Variants in ATP2B3 observed in about 807,000 individuals in gnomAD.
The protein encoded by ATP2B3 is ATPase plasma membrane Ca2+ transporting 3, also known as plasma membrane calcium-transporting ATPase 3.
A neutral mutation model predicts 70.8 loss-of-function variants in ATP2B3; 12 were observed. The observed-to-expected ratio is 0.17, with a 90% confidence interval of 0.11 to 0.27. The LOEUF (loss-of-function observed/expected upper bound fraction) is 0.27, where lower values mean the gene tolerates loss of function less well. ATP2B3 is among the 10% of genes least tolerant of loss of function. The pLI is 1.00. For synonymous variants in ATP2B3, 460 were observed against 497.8 expected (o/e 0.92, Z 1.01); for missense variants, 858 against 1,118.5 (o/e 0.77, Z 3.32).
intron 12 of ATP2B3, among the ~76,000 whole-genome samples, chrX:153,550,595 G>T (rs913218460): frequency 8.9e-6 from 1 of 111,817 alleles, no homozygotes; most frequent in Non-Finnish European, 1.9e-5. Flanking sequence ...TACACTGTGT[G>T]GCCTTTTGTG....
At chrX:153,524,443 G>T (rs940363633) in intron 2 of ATP2B3, among the ~76,000 whole-genome samples, 10 of 111,893 alleles carry the variant, frequency 8.9e-5, no homozygotes, top group African/African-American at 2.9e-4. Context: ...AAATGAGGGG[G>T]TGAGGCTGTG....
Position 153,553,262 on chromosome X carries a change from G to A in ATP2B3, c.2051G>A (p.Arg684Gln), listed in dbSNP as rs1026134252. The change falls in exon 13 of 22, where the codon CGG becomes CAG. Residue 684 changes from arginine to glutamine, a missense_variant. By Grantham distance (43) the Arg-to-Gln change is conservative. Transcript: ENST00000263519. ...GTCGTGGGCATTGAGGACCCTGTGC[G>A]GCCCGAGGTAGCCACCACCTTCTCT... ...IAVVGIEDPV[R>Q]PEVPEAIRKC... 1.7e-6 allele frequency: 2 copies of A among 1,199,999 alleles called. No individual in the cohort carries two copies. Among genetic ancestry groups the A allele is most frequent in the Non-Finnish European group, 2.3e-6 (2 of 886,830 alleles).
chrX:153,544,058 G>A (rs1379894072), intron 7 of ATP2B3, among the ~76,000 whole-genome samples: 4 of 112,903 alleles, frequency 3.5e-5, no homozygotes, highest in Non-Finnish European at 5.6e-5. Context: ...TGGCCTAGAA[G>A]CTTCGACGAG....
At chrX:153,547,795 C>A (rs1275503667) in intron 8 of ATP2B3, 40 bp from the exon 9 acceptor site, 2 of 1,136,239 alleles carry the variant, frequency 1.8e-6, no homozygotes, top group Non-Finnish European at 2.3e-6. Flanking sequence ...TTCTCCCCAG[C>A]CAGGCACTGA....
intron 18 of ATP2B3, among the ~76,000 whole-genome samples, chrX:153,560,341 C>T (rs782364690): frequency 3.3e-4 from 37 of 110,725 alleles, no homozygotes; most frequent in African/African-American, 1.2e-3. Context: ...ACTGGGGTGC[C>T]GTGCTGGAAG....
rs1462387207 is a variant in ATP2B3, at chrX:153,580,111, T to C, written c.3476T>C (p.Ile1159Thr). The change falls in exon 22 of 22, where the codon ATT (isoleucine) becomes ACT (threonine). Residue 1159 changes from isoleucine to threonine, a missense_variant. Around this residue, in one of 5 missense-constraint regions of ATP2B3, gnomAD observed 265 missense variants for 305.3 expected, o/e 0.87. Coordinates refer to ENST00000263519, the MANE Select transcript of ATP2B3 (RefSeq NM_001001344.3). ...INDYTHNIPL[I>T]DDTDVDENEE... Reference sequence around the variant, plus strand: ...GACTACACCCACAACATCCCGCTCATTGACGACACGGACGTGGACGAGAAC... The same window carrying C: ...GACTACACCCACAACATCCCGCTCACTGACGACACGGACGTGGACGAGAAC... 1.7e-6 allele frequency: 2 copies of C among 1,210,647 alleles called. No individual in the cohort carries two copies. The highest frequency in any genetic ancestry group is 2.2e-6 in the Non-Finnish European group (2 of 895,400).
chrX:153,548,962 A>C, intron 10 of ATP2B3, 108 bp downstream of exon 10: 4 of 798,998 alleles, frequency 5.0e-6, no homozygotes, highest in Non-Finnish European at 5.3e-6. Flanking sequence ...GGGATAGCTC[A>C]AGGGAGGAGA....
chrX:153,564,650 CACTT>C (rs1198127055), intron 20 of ATP2B3, among the ~76,000 whole-genome samples: 15 of 113,003 alleles, frequency 1.3e-4, no homozygotes, highest in African/African-American at 4.2e-4. Flanking sequence ...AGACAACAGA[CACTT>C]ACTTTCTCGA....
intron 2 of ATP2B3, among the ~76,000 whole-genome samples, chrX:153,521,124 C>A (rs2089953052): frequency 8.8e-6 from 1 of 113,137 alleles, no homozygotes; most frequent in Admixed American, 9.3e-5. Context: ...TGTGACTTTG[C>A]AGCAAGCTCC....
chrX:153,535,226 G>A (rs1244015856), intron 2 of ATP2B3, among the ~76,000 whole-genome samples: 1 of 112,799 alleles, frequency 8.9e-6, no homozygotes, highest in Non-Finnish European at 1.9e-5. Flanking sequence ...ACAACTTTGC[G>A]ATGCTCGGCA....
rs2090807822 is a variant in ATP2B3, at chrX:153,572,767, G to A, written c.3343-7211G>A. Among the ~76,000 whole-genome samples the A allele has an allele frequency of 2.7e-5, 3 of 111,573 alleles. No individual in the cohort carries two copies. The South Asian group carries it at 1.1e-3, about 43-fold the overall frequency. On this transcript the variant is annotated intron_variant, in intron 21 of 21. Transcript: ENST00000263519. Reference sequence around the variant, plus strand: ...TGCCCCAACCACACACTCACACACCGAGGCCACAGTATCACCCTCCCTGTT... The same window carrying A: ...TGCCCCAACCACACACTCACACACCAAGGCCACAGTATCACCCTCCCTGTT...
intron 3 of ATP2B3, among the ~76,000 whole-genome samples, chrX:153,540,200 G>T (rs62594136): frequency 8.9e-6 from 1 of 112,330 alleles, no homozygotes; most frequent in Non-Finnish European, 1.9e-5. Flanking sequence ...CTCCACCTCC[G>T]GCCTCAGTGG....
Position 153,548,676 on chromosome X carries a change from T to C in ATP2B3, c.1160T>C (p.Val387Ala). Residue 387 changes from valine (V) to alanine (A), a missense_variant, in exon 10 of 22, where the codon GTC (valine) becomes GCC (alanine). By Grantham distance (64) the Val-to-Ala change is moderately conservative. This residue lies in a region of ATP2B3 where 278 missense variants were observed against 366.2 expected (regional missense o/e 0.76). Transcript: ENST00000263519. Reference sequence around the variant, plus strand: ...TCTGCCATCACCGTCATCATCCTGGTCCTCTACTTTGTGATTGAGACGTTT... The same window carrying C: ...TCTGCCATCACCGTCATCATCCTGGCCCTCTACTTTGTGATTGAGACGTTT... ...VMSAITVIILVLYFVIETFVV... is the reference protein window; with the variant it reads ...VMSAITVIILALYFVIETFVV... 1 of 1,211,385 alleles carries C rather than the reference T, an allele frequency of 8.3e-7. No homozygotes were observed. The highest frequency in any genetic ancestry group is 1.1e-6 in the Non-Finnish European group (1 of 895,387).
intron 19 of ATP2B3, 100 bp downstream of exon 19, chrX:153,560,987 C>T (rs781929882): frequency 2.0e-6 from 2 of 996,832 alleles, no homozygotes; most frequent in Non-Finnish European, 2.8e-6. Context: ...GCCTCCCCAC[C>T]TCCACTCCCA....
chrX:153,530,645 G>T (rs2090101550), intron 2 of ATP2B3, among the ~76,000 whole-genome samples: 1 of 112,034 alleles, frequency 8.9e-6, no homozygotes, highest in South Asian at 3.7e-4. Flanking sequence ...CTCCGGGGCT[G>T]CCCTGCAGGG....
intron 21 of ATP2B3, chrX:153,569,427 G>T: frequency 1.9e-6 from 1 of 533,586 alleles, no homozygotes; most frequent in Admixed American, 2.7e-5. Flanking sequence ...ACAGAGGCTG[G>T]CCTCAGTCAG....
Position 153,550,276 on chromosome X carries a change from C to A in ATP2B3, c.1813C>A (p.Leu605Ile). Residue 605 changes from leucine to isoleucine, a missense_variant, in exon 12 of 22, where the codon CTC (leucine) becomes ATC (isoleucine). Leu to Ile is a conservative substitution (Grantham distance 5). Around this residue, in one of 5 missense-constraint regions of ATP2B3, gnomAD observed 242 missense variants for 281.3 expected, o/e 0.86. Coordinates refer to ENST00000263519, the MANE Select transcript of ATP2B3 (RefSeq NM_001001344.3). ...CTTCAGCAAGGGGGCCTCAGAGATC[C>A]TCTTGAAAAAGTGAGTGAGCAGCAG... Reference protein sequence around the residue: ...RLFSKGASEILLKKCTNILNS... With the variant: ...RLFSKGASEIILKKCTNILNS... 2 of 1,211,494 alleles carry A rather than the reference C, an allele frequency of 1.7e-6. No individual in the cohort carries two copies. Among genetic ancestry groups the A allele is most frequent in the Non-Finnish European group, 2.2e-6 (2 of 894,920 alleles).
chrX:153,550,357 C>T lies in ATP2B3; in HGVS notation c.1823+71C>T, dbSNP rs947474857. The stretch of plus-strand genomic sequence containing the variant: ...ATTCTATTGTCGTGGTAAAAGAGGC[C>T]GAACGTAAAATTCACCATTTCAACC... On this transcript the variant is annotated intron_variant, in intron 12 of 21. Coordinates refer to ENST00000263519, the MANE Select transcript of ATP2B3 (RefSeq NM_001001344.3). The T allele has an allele frequency of 2.8e-5, 33 of 1,183,815 alleles. No individual in the cohort carries two copies. The South Asian group carries it at 4.0e-4, about 14-fold the overall frequency.
At chrX:153,542,160 G>A (rs980815369) in intron 5 of ATP2B3, among the ~76,000 whole-genome samples, 163 bp from the exon 6 acceptor site, 11 of 37,040 alleles carry the variant, frequency 3.0e-4, no homozygotes, top group African/African-American at 5.2e-4. Flanking sequence ...AGCCTCCACG[G>A]CGGGCTTTCC....
Sources: gnomAD v4.1 joint callset for allele counts (sites outside exome capture counted in the v4.1 genomes callset) on GRCh38, gnomAD v4.1.1 for gene constraint, gnomAD v4.1.1 regional missense constraint, MANE v1.5 for transcripts, NCBI Gene and HGNC (gene_info 2026-07-23, HGNC 2026-07-21) for gene names.